Variants in GPT2 observed in about 807,000 individuals in gnomAD.
GPT2 encodes the protein alanine aminotransferase 2.
Under a neutral mutation model 56.9 loss-of-function variants are expected in GPT2, and 30 were observed. That is an observed-to-expected ratio of 0.53 (90% CI 0.39 to 0.72). The LOEUF (loss-of-function observed/expected upper bound fraction) is 0.72, where lower values mean the gene tolerates loss of function less well. Ranked by LOEUF, GPT2 falls within the 30% of genes least tolerant of loss-of-function variation. The pLI, the probability that GPT2 is intolerant of heterozygous loss-of-function variation, is 0.00. For missense variants in GPT2, 542 were observed against 703.4 expected (o/e 0.77, Z 2.60); for synonymous variants, 271 against 283.1 (o/e 0.96, Z 0.43).
At chr16:46,928,808 G>T in intron 11 of GPT2, 99 bp from the exon 12 acceptor site, 1 of 864,014 alleles carries the variant, frequency 1.2e-6, no homozygotes, top group Non-Finnish European at 2.0e-6. Context: ...AGACCAGGCA[G>T]ACCTCCCTCT....
chr16:46,904,527 G>A (rs1960882546), intron 4 of GPT2, among the ~76,000 whole-genome samples: 1 of 152,194 alleles, frequency 6.6e-6, no homozygotes, highest in African/African-American at 2.4e-5. Context: ...AATGAGCCTA[G>A]AAGGATCAGT....
chr16:46,917,495 C>T (rs1444394408), intron 7 of GPT2, among the ~76,000 whole-genome samples: 1 of 152,200 alleles, frequency 6.6e-6, no homozygotes, highest in Admixed American at 6.5e-5. Flanking sequence ...GCTTCTTGAA[C>T]TCCAGTTCTG....
intron 4 of GPT2, among the ~76,000 whole-genome samples, chr16:46,906,348 G>A (rs1430306240): frequency 1.3e-5 from 2 of 152,300 alleles, no homozygotes; most frequent in East Asian, 3.9e-4. Flanking sequence ...TGGGATTACT[G>A]CGCCCAGCCC....
At position 46,884,780 on chromosome 16, in the gene GPT2, G is replaced by A. The variant is rs750555744; in HGVS notation, c.65G>A (p.Arg22His). 25 of 1,496,256 alleles carry A rather than the reference G, an allele frequency of 1.7e-5. No individual in the cohort carries two copies. The highest frequency in any genetic ancestry group is 2.0e-5 in the Non-Finnish European group (22 of 1,122,652). The allele number at this position is 1,496,256 out of a possible 1,614,324, so 92.7% of individuals were successfully genotyped here. A position where few individuals can be genotyped will look rare whatever the true frequency, so the allele number is the denominator to read the frequency against. Reference protein sequence around the residue: ...CGPRTPSSWGRSQSSAAAEAS... With the variant: ...CGPRTPSSWGHSQSSAAAEAS... ...CCCCGGACCCCCAGCTCCTGGGGCCGCAGCCAGAGCAGCGCGGCCGCCGAG... is the reference window on the plus strand; with the variant it reads ...CCCCGGACCCCCAGCTCCTGGGGCCACAGCCAGAGCAGCGCGGCCGCCGAG... Residue 22 changes from arginine to histidine, a missense_variant, in exon 2 of 12, where the codon CGC becomes CAC. By Grantham distance (29) the Arg-to-His change is conservative. Coordinates refer to ENST00000340124, the MANE Select transcript of GPT2 (RefSeq NM_133443.4).
intron 5 of GPT2, among the ~76,000 whole-genome samples, chr16:46,908,642 C>G (rs960868785): frequency 1.3e-5 from 2 of 152,130 alleles, no homozygotes; most frequent in African/African-American, 4.8e-5. Flanking sequence ...AAGTGGTCTA[C>G]CTGCCTAGAG....
chr16:46,915,380 ACAC>A (rs61208877), intron 6 of GPT2: 38,431 of 151,258 alleles, frequency 0.25, 6,432 homozygotes, highest in East Asian at 0.76. Flanking sequence ...GCACACACAC[ACAC>A]CACCACACCT....
chr16:46,891,228 C>G (rs914834380), intron 2 of GPT2, among the ~76,000 whole-genome samples: 1 of 151,010 alleles, frequency 6.6e-6, no homozygotes, highest in African/African-American at 2.4e-5. Context: ...ATCCCCATAA[C>G]TTATTCATAT....
At chr16:46,909,968 G>A (rs756478576) in intron 6 of GPT2, 41 bp downstream of exon 6, 25 of 1,547,992 alleles carry the variant, frequency 1.6e-5, no homozygotes, top group African/African-American at 5.5e-5. Context: ...AGAGGGTGGG[G>A]GTGGCTGATA....
intron 4 of GPT2, among the ~76,000 whole-genome samples, chr16:46,905,338 T>C (rs994038891): frequency 6.6e-6 from 1 of 152,092 alleles, no homozygotes; most frequent in African/African-American, 2.4e-5. Context: ...CGTGAACCAC[T>C]GCGCCCGACC....
At chr16:46,891,665 A>T (rs2143349323) in intron 2 of GPT2, among the ~76,000 whole-genome samples, 1 of 152,244 alleles carries the variant, frequency 6.6e-6, no homozygotes, top group Non-Finnish European at 1.5e-5. Flanking sequence ...TGTATTATTT[A>T]TGAGGTACAT....
At chr16:46,892,036 C>T (rs912923555) in intron 2 of GPT2, among the ~76,000 whole-genome samples, 24 of 152,186 alleles carry the variant, frequency 1.6e-4, no homozygotes, top group African/African-American at 5.8e-4. Flanking sequence ...CATCTTACAA[C>T]TGAAAGTTTG....
Position 46,901,326 on chromosome 16 carries a change from C to T in GPT2, c.442+536C>T, listed in dbSNP as rs183724038. On this transcript the variant is annotated intron_variant, in intron 4 of 11. Coordinates refer to ENST00000340124, the MANE Select transcript of GPT2 (RefSeq NM_133443.4). Reference sequence around the variant, plus strand: ...TCATGGTGTTCCCCTCAAGCCGGCCCTCACTCATCCTTTCAGGGACCCATG... The same window carrying T: ...TCATGGTGTTCCCCTCAAGCCGGCCTTCACTCATCCTTTCAGGGACCCATG... Among the ~76,000 whole-genome samples the T allele has an allele frequency of 2.4e-4, 37 of 152,294 alleles. No homozygotes were observed. The East Asian group carries it at 5.2e-3, about 21-fold the overall frequency.
intron 2 of GPT2, among the ~76,000 whole-genome samples, chr16:46,892,789 A>G (rs1393853053): frequency 6.6e-6 from 1 of 152,068 alleles, no homozygotes; most frequent in Non-Finnish European, 1.5e-5. Context: ...CTTGAGTTGT[A>G]TGAATTCCTT....
At chr16:46,905,735 C>T (rs1241459469) in intron 4 of GPT2, among the ~76,000 whole-genome samples, 2 of 152,078 alleles carry the variant, frequency 1.3e-5, no homozygotes, top group South Asian at 2.1e-4. Flanking sequence ...AAAATGTTAA[C>T]GTACAGCTGG....
chr16:46,905,519 T>G (rs1960906952), intron 4 of GPT2, among the ~76,000 whole-genome samples: 1 of 152,068 alleles, frequency 6.6e-6, no homozygotes, highest in African/African-American at 2.4e-5. Flanking sequence ...CAGTGTAAAA[T>G]TCAAAAGATC....
chr16:46,897,363 CCT>C (rs887893738), intron 2 of GPT2, among the ~76,000 whole-genome samples: 2 of 151,956 alleles, frequency 1.3e-5, no homozygotes, highest in East Asian at 3.9e-4. Flanking sequence ...AGAGAGCAAG[CCT>C]CTGTCTCAAA....
intron 2 of GPT2, among the ~76,000 whole-genome samples, chr16:46,891,592 G>A (rs772011425): frequency 1.5e-4 from 23 of 151,852 alleles, no homozygotes; most frequent in Non-Finnish European, 1.6e-4. Flanking sequence ...CTTGTGATCC[G>A]CCTGTCTCGG....
chr16:46,885,029 G>T, intron 2 of GPT2, 71 bp downstream of exon 2: 1 of 1,390,714 alleles, frequency 7.2e-7, no homozygotes, highest in Non-Finnish European at 9.4e-7. Flanking sequence ...GCCCCAGCTG[G>T]GGTCCTTCCC....
At chr16:46,888,658 T>G (rs564956576) in intron 2 of GPT2, among the ~76,000 whole-genome samples, 1 of 152,222 alleles carries the variant, frequency 6.6e-6, no homozygotes, top group East Asian at 1.9e-4. Flanking sequence ...GATGCTACTT[T>G]ATTTTTTTAA....
Sources: gnomAD v4.1 joint callset for allele counts (sites outside exome capture counted in the v4.1 genomes callset) on GRCh38, gnomAD v4.1.1 for gene constraint, MANE v1.5 for transcripts, NCBI Gene and HGNC (gene_info 2026-07-23, HGNC 2026-07-21) for gene names.